Variants in ZNF93 observed in about 807,000 individuals in gnomAD.
The protein encoded by ZNF93 is zinc finger protein 93, also known as zinc finger protein 505.
Under a neutral mutation model 45.0 loss-of-function variants are expected in ZNF93, and 29 were observed. That is an observed-to-expected ratio of 0.64 (90% CI 0.48 to 0.88). ZNF93 has a LOEUF of 0.88. ZNF93 is among the 40% of genes least tolerant of loss of function. The probability of loss-of-function intolerance (pLI) is 0.00; values close to 1 mark genes in which losing one functional copy is unlikely to be tolerated. For missense variants in ZNF93, 578 were observed against 724.0 expected (o/e 0.80, Z 2.31); for synonymous variants, 223 against 244.6 (o/e 0.91, Z 0.82).
chr19:19,913,340 C>T (rs756800195), intron 1 of ZNF93, among the ~76,000 whole-genome samples: 1 of 152,182 alleles, frequency 6.6e-6, no homozygotes, highest in Non-Finnish European at 1.5e-5. Context: ...ACCCTCCCCA[C>T]AGCTTCTGTT....
chr19:19,904,474 A>G (rs1338686345), intron 1 of ZNF93, among the ~76,000 whole-genome samples: 1 of 152,090 alleles, frequency 6.6e-6, no homozygotes, highest in East Asian at 1.9e-4. Context: ...CAGTTTTTAA[A>G]CAGCAGCTCA....
At position 19,930,211 on chromosome 19, in the gene ZNF93, A is replaced by G. The variant is rs9676934; in HGVS notation, c.227-2971A>G. Among the ~76,000 whole-genome samples the G allele has an allele frequency of 8.1e-5, 12 of 148,576 alleles. 1 individual carries two copies. In the South Asian group the frequency reaches 2.5e-3, roughly 31 times the overall value. The stretch of plus-strand genomic sequence containing the variant: ...CCTGGCAGCCAAGGCAGAGAGAGAG[A>G]GGGAGAGAGAGAGACAGCTTATGCC... On this transcript the variant is annotated intron_variant, in intron 3 of 3. Transcript: ENST00000343769.
At chr19:19,930,472 A>G (rs561600386) in intron 3 of ZNF93, among the ~76,000 whole-genome samples, 2 of 151,750 alleles carry the variant, frequency 1.3e-5, no homozygotes, top group East Asian at 3.9e-4. Context: ...CCCCAGGGAA[A>G]GGGAGACTCC....
intron 1 of ZNF93, among the ~76,000 whole-genome samples, chr19:19,912,024 C>T (rs980512482): frequency 4.3e-4 from 65 of 152,102 alleles, no homozygotes; most frequent in Non-Finnish European, 7.9e-4. Flanking sequence ...CTTGAGATTA[C>T]AAGCATGACC....
At chr19:19,928,204 T>C (rs2063361888) in intron 3 of ZNF93, among the ~76,000 whole-genome samples, 1 of 152,242 alleles carries the variant, frequency 6.6e-6, no homozygotes, top group Non-Finnish European at 1.5e-5. Context: ...ATTATTTTTC[T>C]CTATTTTGTA....
At chr19:19,911,716 C>A (rs1165212097) in intron 1 of ZNF93, among the ~76,000 whole-genome samples, 3 of 151,804 alleles carry the variant, frequency 2.0e-5, no homozygotes, top group Non-Finnish European at 2.9e-5. Flanking sequence ...ATGTCTACAC[C>A]TGAAGGGAGA....
intron 1 of ZNF93, chr19:19,907,785 C>T (rs2063297085): frequency 6.6e-6 from 1 of 152,118 alleles, no homozygotes; most frequent in Non-Finnish European, 1.5e-5. Context: ...GTGATTCACC[C>T]ACCACAGCCT....
At chr19:19,916,835 C>T (rs1003839381) in intron 3 of ZNF93, among the ~76,000 whole-genome samples, 180 bp downstream of exon 3, 5 of 151,788 alleles carry the variant, frequency 3.3e-5, no homozygotes, top group South Asian at 4.2e-4. Context: ...GGACATCTTC[C>T]GTTTTATGCT....
chr19:19,904,359 G>A (rs1485345021), intron 1 of ZNF93, among the ~76,000 whole-genome samples: 3 of 152,000 alleles, frequency 2.0e-5, no homozygotes, highest in African/African-American at 4.8e-5. Context: ...CTTTTCCTGG[G>A]CTGCATCTTA....
At chr19:19,902,185 G>C (rs1164172304) in intron 1 of ZNF93, among the ~76,000 whole-genome samples, 2 of 152,102 alleles carry the variant, frequency 1.3e-5, no homozygotes, top group Non-Finnish European at 2.9e-5. Flanking sequence ...CAAAAACCAA[G>C]TGAATAACTC....
intron 3 of ZNF93, among the ~76,000 whole-genome samples, chr19:19,931,169 GTATTTATT>G (rs71340308): frequency 6.7e-6 from 1 of 148,820 alleles, no homozygotes; most frequent in Non-Finnish European, 1.5e-5. Context: ...ATTTATATTT[GTATTTATT>G]TATTTATTTA....
chr19:19,925,500 T>C (rs2063353518), intron 3 of ZNF93, among the ~76,000 whole-genome samples: 1 of 152,240 alleles, frequency 6.6e-6, no homozygotes, highest in African/African-American at 2.4e-5. Context: ...CTTTTCATCT[T>C]ACTGATGTCA....
chr19:19,934,921 C>A lies in ZNF93; in HGVS notation c.*103C>A. 5.5e-6 allele frequency: 7 copies of A among 1,282,838 alleles called. No individual in the cohort carries two copies. Among genetic ancestry groups the A allele is most frequent in the Non-Finnish European group, 7.4e-6 (7 of 940,716 alleles). 79.5% of individuals were successfully genotyped at this position (1,282,838 alleles called of 1,614,324 possible). ...AACCATCCCAAACTCCTCCCAGGCACAGTCTGGCAGAGGTCCTGCCATTTC... is the reference window on the plus strand; with the variant it reads ...AACCATCCCAAACTCCTCCCAGGCAAAGTCTGGCAGAGGTCCTGCCATTTC... On this transcript the variant is annotated 3_prime_UTR_variant, in exon 4 of 4. Coordinates refer to ENST00000343769, the MANE Select transcript of ZNF93 (RefSeq NM_031218.4).
Position 19,917,858 on chromosome 19 carries a change from A to T in ZNF93, c.226+1203A>T, listed in dbSNP as rs138986784. On this transcript the variant is annotated intron_variant, in intron 3 of 3. Coordinates refer to ENST00000343769, the MANE Select transcript of ZNF93 (RefSeq NM_031218.4). ...CTGTTTATGGTTTTTAAAATATGAGATTGTATGATCTACAAACAGCAACTT... is the reference window on the plus strand; with the variant it reads ...CTGTTTATGGTTTTTAAAATATGAGTTTGTATGATCTACAAACAGCAACTT... 1.5e-4 allele frequency among the ~76,000 whole-genome samples: 23 copies of T among 152,194 alleles called. 1 individual carries two copies. The East Asian group carries it at 4.4e-3, about 29-fold the overall frequency.
chr19:19,918,779 G>A (rs1272925152), intron 3 of ZNF93, among the ~76,000 whole-genome samples: 21 of 152,168 alleles, frequency 1.4e-4, no homozygotes, highest in African/African-American at 3.9e-4. Flanking sequence ...AATATCCTTC[G>A]CCCACTTTTC....
At chr19:19,919,295 C>G (rs1382808322) in intron 3 of ZNF93, among the ~76,000 whole-genome samples, 1 of 152,122 alleles carries the variant, frequency 6.6e-6, no homozygotes, top group Admixed American at 6.6e-5. Context: ...GGGCTCTGTT[C>G]TGTTCCATTG....
chr19:19,912,505 T>C (rs1599567543), intron 1 of ZNF93, among the ~76,000 whole-genome samples: 1 of 151,936 alleles, frequency 6.6e-6, no homozygotes, highest in African/African-American at 2.4e-5. Context: ...TGTAAGGTGT[T>C]TGTTTTTAAA....
chr19:19,922,447 T>C (rs528102068), intron 3 of ZNF93, among the ~76,000 whole-genome samples: 11 of 152,304 alleles, frequency 7.2e-5, no homozygotes, highest in Non-Finnish European at 1.5e-4. Context: ...AGTATCTTTG[T>C]GGCATTCTCT....
chr19:19,916,060 T>G (rs1026112496), intron 2 of ZNF93, among the ~76,000 whole-genome samples: 1 of 148,146 alleles, frequency 6.8e-6, no homozygotes, highest in South Asian at 2.1e-4. Flanking sequence ...TGGAAGTATT[T>G]TCTTTTTCCT....
Sources: gnomAD v4.1 joint callset for allele counts (sites outside exome capture counted in the v4.1 genomes callset) on GRCh38, gnomAD v4.1.1 for gene constraint, MANE v1.5 for transcripts, NCBI Gene and HGNC (gene_info 2026-07-23, HGNC 2026-07-21) for gene names.